Variants in PKHD1 observed in about 807,000 individuals in gnomAD.
PKHD1 encodes fibrocystin.
PKHD1 carries 291 observed loss-of-function variants against 412.0 expected under a neutral mutation model. The observed-to-expected ratio is 0.71, with a 90% CI of 0.64 to 0.78. The LOEUF (loss-of-function observed/expected upper bound fraction) is 0.78, where lower values mean the gene tolerates loss of function less well. PKHD1 is among the 30% of genes least tolerant of loss of function. PKHD1 has a pLI of 0.00. For missense variants in PKHD1, 4,825 were observed against 4,950.7 expected (o/e 0.97, Z 0.76); for synonymous variants, 1,777 against 1,821.5 (o/e 0.98, Z 0.62).
At chr6:51,896,128 C>A (rs899095420) in intron 43 of PKHD1, among the ~76,000 whole-genome samples, 1 of 152,180 alleles carries the variant, frequency 6.6e-6, no homozygotes, top group Non-Finnish European at 1.5e-5. Context: ...CTTAGGTAAA[C>A]AAAGCAGCCC....
At position 51,659,729 on chromosome 6, in the gene PKHD1, C is replaced by A; in HGVS notation, c.10397G>T (p.Arg3466Met). The A allele has an allele frequency of 6.2e-7, 1 of 1,613,704 alleles. No homozygotes were observed. The highest frequency in any genetic ancestry group is 8.5e-7 in the Non-Finnish European group (1 of 1,179,834). The change falls in exon 61 of 67, where the codon AGG (arginine) becomes ATG (methionine). Residue 3466 changes from arginine to methionine, a missense_variant. Physicochemically the swap from Arg to Met is moderately conservative, Grantham distance 91. Transcript: ENST00000371117. ...CATGAAGCAGACTTTGGTGATTTGCCTGATGGGTAAGATAGAATAGAAAGT... is the reference window on the plus strand; with the variant it reads ...CATGAAGCAGACTTTGGTGATTTGCATGATGGGTAAGATAGAATAGAAAGT... ...VSTFYSILPI[R>M]QITKVCFMDQ...
intron 46 of PKHD1, among the ~76,000 whole-genome samples, chr6:51,877,221 C>T (rs1282375482): frequency 3.7e-5 from 2 of 53,808 alleles, no homozygotes; most frequent in African/African-American, 2.0e-4. Context: ...AGAAAGTCAA[C>T]AAGGATACCC....
chr6:51,655,763 G>A (rs1771719319), intron 61 of PKHD1, among the ~76,000 whole-genome samples: 1 of 151,962 alleles, frequency 6.6e-6, no homozygotes. Context: ...CTACAGAATT[G>A]AGGTCCCTGA....
At chr6:51,719,297 C>A (rs1179637484) in intron 60 of PKHD1, among the ~76,000 whole-genome samples, 4 of 152,080 alleles carry the variant, frequency 2.6e-5, no homozygotes, top group Non-Finnish European at 5.9e-5. Flanking sequence ...CAGCCTTGAC[C>A]TCCTGGGCTC....
chr6:51,896,605 A>G (rs1246113160), intron 43 of PKHD1, among the ~76,000 whole-genome samples: 104 of 152,058 alleles, frequency 6.8e-4, no homozygotes, highest in African/African-American at 2.1e-3. Context: ...AAAGCAGAGC[A>G]CCTCTCCTCC....
At chr6:51,818,447 G>A (rs1383168387) in intron 52 of PKHD1, among the ~76,000 whole-genome samples, 3 of 152,084 alleles carry the variant, frequency 2.0e-5, no homozygotes. Context: ...TAATGAACTA[G>A]ACAGACTCAG....
intron 60 of PKHD1, among the ~76,000 whole-genome samples, chr6:51,662,383 G>T (rs1024969951): frequency 6.6e-6 from 1 of 151,600 alleles, no homozygotes; most frequent in Admixed American, 6.6e-5. Context: ...TAATAATGAG[G>T]TAATGGATAT....
intron 60 of PKHD1, among the ~76,000 whole-genome samples, chr6:51,706,542 G>A (rs894826380): frequency 6.6e-6 from 1 of 151,378 alleles, no homozygotes; most frequent in African/African-American, 2.4e-5. Flanking sequence ...GAAAGGAGGA[G>A]CAGCAGAAGG....
intron 52 of PKHD1, among the ~76,000 whole-genome samples, chr6:51,808,841 T>C (rs998753369): frequency 1.3e-5 from 2 of 152,116 alleles, no homozygotes; most frequent in Non-Finnish European, 2.9e-5. Context: ...CTGACTTCAG[T>C]TTTTGCTTGC....
At chr6:51,729,846 T>C (rs920411692) in intron 60 of PKHD1, among the ~76,000 whole-genome samples, 3 of 152,168 alleles carry the variant, frequency 2.0e-5, no homozygotes, top group African/African-American at 7.2e-5. Context: ...AATAATCATT[T>C]GAGTACATAA....
Position 51,649,187 on chromosome 6 carries a change from T to C in PKHD1, c.11208A>G (p.Ile3736Met). 1.2e-6 allele frequency: 2 copies of C among 1,611,864 alleles called. No homozygotes were observed. The highest frequency in any genetic ancestry group is 2.2e-5 in the East Asian group (1 of 44,856). The change falls in exon 62 of 67, where the codon ATA becomes ATG. Residue 3736 changes from isoleucine to methionine, a missense_variant. Transcript: ENST00000371117. ...NTSSFKTGNL[I>M]YIRPYALSIL... The stretch of plus-strand genomic sequence containing the variant: ...TGGAAAGTGCATAGGGCCGAATATA[T>C]ATCAAGTTCCCAGTTTTAAAACTGC...
intron 60 of PKHD1, chr6:51,721,907 C>T: frequency 6.2e-7 from 1 of 1,608,822 alleles, no homozygotes; most frequent in Non-Finnish European, 8.5e-7. Context: ...CCATTTGGTC[C>T]ATGCTCCAAC....
intron 60 of PKHD1, among the ~76,000 whole-genome samples, chr6:51,705,072 G>A (rs1474039547): frequency 2.6e-5 from 4 of 152,076 alleles, no homozygotes; most frequent in Non-Finnish European, 5.9e-5. Flanking sequence ...TGTTTGCATA[G>A]TAGAGTATTT....
At position 51,833,688 on chromosome 6, in the gene PKHD1, G is replaced by A. The variant is rs116821231; in HGVS notation, c.8174-2699C>T. Among the ~76,000 whole-genome samples, 474 of 152,240 alleles carry A rather than the reference G, an allele frequency of 3.1e-3. 3 individuals carry two copies. Among genetic ancestry groups the A allele is most frequent in the African/African-American group, 0.011 (438 of 41,562 alleles). On this transcript the variant is annotated intron_variant, in intron 51 of 66. Coordinates refer to ENST00000371117, the MANE Select transcript of PKHD1 (RefSeq NM_138694.4). ...AGTCACTGTTAAACTTAGCAATCAA[G>A]GCATGGGTGATCCAGATGACAGTGG...
intron 46 of PKHD1, 138 bp from the exon 47 acceptor site, chr6:51,870,777 T>C: frequency 1.5e-6 from 1 of 671,234 alleles, no homozygotes; most frequent in Non-Finnish European, 2.6e-6. Context: ...ATCACACATA[T>C]GACAAAGGAC....
chr6:51,915,702 T>G (rs1229586246), intron 37 of PKHD1, among the ~76,000 whole-genome samples: 4 of 151,926 alleles, frequency 2.6e-5, no homozygotes, highest in Non-Finnish European at 4.4e-5. Flanking sequence ...ATGTGTTCAG[T>G]ACTCTCATGG....
intron 35 of PKHD1, among the ~76,000 whole-genome samples, chr6:51,996,374 A>G (rs1797719213): frequency 6.6e-6 from 1 of 152,130 alleles, no homozygotes; most frequent in African/African-American, 2.4e-5. Flanking sequence ...ACACTGTAAC[A>G]GACTATTTCT....
In PKHD1 at chr6:51,793,104, T is replaced by C. The variant is rs187300774; in HGVS notation, c.8303-1731A>G. On this transcript the variant is annotated intron_variant, in intron 52 of 66. Coordinates refer to ENST00000371117, the MANE Select transcript of PKHD1 (RefSeq NM_138694.4). ...GATCTGTTGAGTTTAATCCCCTACA[T>C]ACCTTAAATTCAAGAGCTCATTGAT... 1.8e-4 allele frequency among the ~76,000 whole-genome samples: 28 copies of C among 152,284 alleles called. No homozygotes were observed. In the East Asian group the frequency reaches 1.9e-3, roughly 10 times the overall value.
chr6:51,809,683 T>C (rs552482609), intron 52 of PKHD1, among the ~76,000 whole-genome samples: 94 of 151,890 alleles, frequency 6.2e-4, no homozygotes, highest in Non-Finnish European at 1.1e-3. Context: ...TTTCAGGGGG[T>C]TTTTCTTCAC....
Sources: allele counts gnomAD v4.1 joint callset (sites outside exome capture counted in the v4.1 genomes callset), GRCh38; gene constraint gnomAD v4.1.1; transcripts MANE v1.5; gene names NCBI Gene and HGNC (gene_info 2026-07-23, HGNC 2026-07-21).